IFI27L1: variants seen among roughly 807,000 people sequenced by gnomAD.
IFI27L1 encodes interferon alpha inducible protein 27 like 1.
IFI27L1 carries 3 observed loss-of-function variants against 9.2 expected under a neutral mutation model. That is an observed-to-expected ratio of 0.32 (90% CI 0.15 to 0.84). The LOEUF (loss-of-function observed/expected upper bound fraction) is 0.84. Ranked by LOEUF, IFI27L1 falls within the 40% of genes least tolerant of loss-of-function variation. IFI27L1 has a pLI of 0.56. For missense variants in IFI27L1, 133 were observed against 134.2 expected, an observed-to-expected ratio of 0.99 and a Z score of 0.05; for synonymous variants, 53 against 50.0, an observed-to-expected ratio of 1.06 and a Z score of -0.26.
At chr14:94,095,445 G>A (rs544775131) in intron 1 of IFI27L1, among the ~76,000 whole-genome samples, 1 of 152,162 alleles carries the variant, frequency 6.6e-6, no homozygotes, top group Non-Finnish European at 1.5e-5. Context: ...CTCCTGACTC[G>A]TGTTAGTCAG....
chr14:94,081,637 G>A (rs572561029), intron 1 of IFI27L1, among the ~76,000 whole-genome samples, 188 bp downstream of exon 1: 1 of 152,298 alleles, frequency 6.6e-6, no homozygotes, highest in South Asian at 2.1e-4. Context: ...GTAAGAGGAC[G>A]AACGCGTCCA....
intron 2 of IFI27L1, chr14:94,100,395 G>T: frequency 8.1e-6 from 8 of 985,398 alleles, no homozygotes; most frequent in Non-Finnish European, 9.6e-6. Flanking sequence ...CTGCCCCCGT[G>T]GCAGCCATTG....
intron 1 of IFI27L1, chr14:94,094,677 T>C (rs1225515340): frequency 1.3e-5 from 2 of 152,188 alleles, no homozygotes; most frequent in African/African-American, 4.8e-5. Flanking sequence ...ATCAATATAA[T>C]ACTGTAAGTA....
chr14:94,087,569 G>A (rs560642624), intron 1 of IFI27L1, among the ~76,000 whole-genome samples: 1 of 152,306 alleles, frequency 6.6e-6, no homozygotes, highest in South Asian at 2.1e-4. Flanking sequence ...TGGGATTACA[G>A]GCACTCGCCA....
intron 2 of IFI27L1, chr14:94,100,249 G>A (rs1186659565): frequency 1.0e-6 from 1 of 985,102 alleles, no homozygotes; most frequent in African/African-American, 1.7e-5. Flanking sequence ...GTGATGGGAG[G>A]ATTGAGGCTG....
At chr14:94,083,825 C>T (rs1407828927) in intron 1 of IFI27L1, among the ~76,000 whole-genome samples, 1 of 152,194 alleles carries the variant, frequency 6.6e-6, no homozygotes, top group African/African-American at 2.4e-5. Context: ...TGTGGTGGCA[C>T]ATCCCTGTAG....
At chr14:94,087,963 A>G (rs1886339525) in intron 1 of IFI27L1, among the ~76,000 whole-genome samples, 2 of 151,924 alleles carry the variant, frequency 1.3e-5, no homozygotes, top group South Asian at 4.2e-4. Flanking sequence ...GAGGATCACT[A>G]CTCCTTTCCT....
chr14:94,089,828 A>C (rs1886409470), intron 1 of IFI27L1, among the ~76,000 whole-genome samples: 1 of 152,196 alleles, frequency 6.6e-6, no homozygotes, highest in African/African-American at 2.4e-5. Flanking sequence ...AATAGGGGCG[A>C]TGATATTCCT....
At chr14:94,096,095 TA>T (rs1482355795) in intron 1 of IFI27L1, among the ~76,000 whole-genome samples, 9 of 152,122 alleles carry the variant, frequency 5.9e-5, no homozygotes, top group African/African-American at 2.2e-4. Context: ...ATCAGAGGCC[TA>T]AAAGAGCAGG....
At chr14:94,085,163 A>G (rs1886241311) in intron 1 of IFI27L1, among the ~76,000 whole-genome samples, 1 of 152,194 alleles carries the variant, frequency 6.6e-6, no homozygotes, top group African/African-American at 2.4e-5. Context: ...GCTGAGGGGA[A>G]CCAAGAATGC....
Position 94,101,870 on chromosome 14 carries a change from G to A in IFI27L1, c.118G>A (p.Gly40Arg), listed in dbSNP as rs1026569515. 1 of 1,614,150 alleles carries A rather than the reference G, an allele frequency of 6.2e-7. No individual in the cohort carries two copies. Among genetic ancestry groups the A allele is most frequent in the African/African-American group, 1.3e-5 (1 of 74,956 alleles). ...ALSAMGFTSV[G>R]IAASSIAAKM... is the part of the protein sequence containing the mutation. ...CAGTGCCATGGGCTTCACCTCAGTA[G>A]GAATCGCCGCATCCTCCATAGCAGC... The change falls in exon 4 of 5, where the codon GGA becomes AGA. Residue 40 changes from glycine to arginine, a missense_variant. Coordinates refer to ENST00000555523, the MANE Select transcript of IFI27L1 (RefSeq NM_206949.3).
chr14:94,089,775 T>C (rs1024914077), intron 1 of IFI27L1, among the ~76,000 whole-genome samples: 2 of 152,178 alleles, frequency 1.3e-5, no homozygotes, highest in African/African-American at 4.8e-5. Flanking sequence ...GCCTAAGGGT[T>C]GTAGAAGTAT....
chr14:94,088,391 C>T (rs1298750355), intron 1 of IFI27L1: 3 of 700,726 alleles, frequency 4.3e-6, no homozygotes, highest in Non-Finnish European at 5.2e-6. Context: ...GATCATGGCA[C>T]TGGCTGAAGC....
At position 94,095,284 on chromosome 14, in the gene IFI27L1, G is replaced by A. The variant is rs533604951; in HGVS notation, c.-51-1603G>A. On this transcript the variant is annotated intron_variant, in intron 1 of 4. Transcript: ENST00000555523. Reference sequence around the variant, plus strand: ...ACTCCTGGCCTCAAGTGATCGTCTTGTCTTAGCCTCCCAAGTAACTGGGAT... The same window carrying A: ...ACTCCTGGCCTCAAGTGATCGTCTTATCTTAGCCTCCCAAGTAACTGGGAT... Among the ~76,000 whole-genome samples the A allele has an allele frequency of 5.3e-5, 8 of 152,264 alleles. No homozygotes were observed. In the East Asian group the frequency reaches 1.5e-3, roughly 29 times the overall value.
At chr14:94,091,372 T>G (rs1886468165) in intron 1 of IFI27L1, among the ~76,000 whole-genome samples, 1 of 152,238 alleles carries the variant, frequency 6.6e-6, no homozygotes, top group African/African-American at 2.4e-5. Context: ...CTAAGTCATA[T>G]CATGATTATA....
chr14:94,084,792 G>A (rs531077729), intron 1 of IFI27L1, among the ~76,000 whole-genome samples: 11 of 152,296 alleles, frequency 7.2e-5, no homozygotes, highest in African/African-American at 2.6e-4. Context: ...CACAATGCCT[G>A]GGAAAGGGAG....
intron 4 of IFI27L1, 47 bp from the exon 5 acceptor site, chr14:94,102,430 C>A (rs2295217): frequency 1.6e-6 from 2 of 1,258,576 alleles, no homozygotes; most frequent in Non-Finnish European, 2.2e-6. Context: ...CTGTTAGGAG[C>A]TGCTACCCCT....
At chr14:94,101,670 C>T (rs1886900634) in intron 3 of IFI27L1, 144 bp from the exon 4 acceptor site, 1 of 732,068 alleles carries the variant, frequency 1.4e-6, no homozygotes, top group South Asian at 1.8e-5. Flanking sequence ...TACACGTTGA[C>T]TGCCCTTGTT....
chr14:94,097,654 A>G (rs1189521443), intron 2 of IFI27L1: 3 of 702,282 alleles, frequency 4.3e-6, no homozygotes, highest in Non-Finnish European at 7.8e-6. Context: ...AGTATGAGGG[A>G]TGGTCAGACT....
Sources: allele counts gnomAD v4.1 joint callset (sites outside exome capture counted in the v4.1 genomes callset), GRCh38; gene constraint gnomAD v4.1.1; transcripts MANE v1.5; gene names NCBI Gene and HGNC (gene_info 2026-07-23, HGNC 2026-07-21).